PCDH15: variants seen among roughly 807,000 people sequenced by gnomAD.
The protein encoded by PCDH15 is protocadherin-15.
Under a neutral mutation model 178.5 loss-of-function variants are expected in PCDH15, and 129 were observed. The ratio of observed to expected loss-of-function variants is 0.72; its 90% CI spans 0.63 to 0.84. PCDH15 has a LOEUF of 0.84. PCDH15 is among the 40% of genes least tolerant of loss of function. The pLI is 0.00. For synonymous variants in PCDH15, 800 were observed against 732.0 expected, an observed-to-expected ratio of 1.09 and a Z score of -1.50; for missense variants, 2,230 against 2,099.9, an observed-to-expected ratio of 1.06 and a Z score of -1.21.
chr10:54,817,086 G>T (rs538638397), intron 3 of PCDH15, among the ~76,000 whole-genome samples: 40 of 151,988 alleles, frequency 2.6e-4, no homozygotes, highest in African/African-American at 9.6e-4. Flanking sequence ...TTTTGTTGTG[G>T]TTTACTCATT....
In PCDH15 at chr10:53,959,862, A is replaced by G. The variant is rs377437264; in HGVS notation, c.3010-18T>C. The stretch of plus-strand genomic sequence containing the variant: ...ACCACCAACTTAAAAAGCAATAAAA[A>G]TTCATGTTAAAGATTATAAGTAAGA... On this transcript the variant is annotated intron_variant, in intron 22 of 37. Transcript: ENST00000644397. 1.1e-4 allele frequency: 175 copies of G among 1,585,490 alleles called. No individual in the cohort carries two copies. The highest frequency in any genetic ancestry group is 1.7e-4 in the Admixed American group (10 of 59,944).
chr10:54,446,992 C>G (rs1456776230), intron 3 of PCDH15, among the ~76,000 whole-genome samples: 2 of 151,616 alleles, frequency 1.3e-5, no homozygotes, highest in Non-Finnish European at 1.5e-5. Flanking sequence ...ACAAACTTCC[C>G]CATTGGTTCC....
chr10:55,429,408 T>G (rs1187312118), intron 2 of PCDH15, among the ~76,000 whole-genome samples: 1 of 152,162 alleles, frequency 6.6e-6, no homozygotes, highest in African/African-American at 2.4e-5. Flanking sequence ...GCCATTGGTC[T>G]GCTTTTTTCC....
chr10:54,148,665 T>C (rs1349881712), intron 14 of PCDH15, among the ~76,000 whole-genome samples: 1 of 152,010 alleles, frequency 6.6e-6, no homozygotes, highest in Non-Finnish European at 1.5e-5. Flanking sequence ...TAAATTGATG[T>C]CCTCACCCAA....
At chr10:54,037,302 A>G (rs1208839984) in intron 18 of PCDH15, among the ~76,000 whole-genome samples, 1 of 152,050 alleles carries the variant, frequency 6.6e-6, no homozygotes, top group East Asian at 1.9e-4. Flanking sequence ...CACTAGCTAC[A>G]GAAAAAAATT....
chr10:55,235,047 T>C (rs1055539196), intron 1 of PCDH15, among the ~76,000 whole-genome samples: 4 of 151,818 alleles, frequency 2.6e-5, no homozygotes, highest in African/African-American at 4.8e-5. Flanking sequence ...ACCACCTCAA[T>C]ATAAAAGTCA....
chr10:55,253,684 T>C (rs1229886954), intron 1 of PCDH15, among the ~76,000 whole-genome samples: 1 of 152,164 alleles, frequency 6.6e-6, no homozygotes, highest in African/African-American at 2.4e-5. Flanking sequence ...GTAAAGTATA[T>C]GGCTCATTCA....
intron 1 of PCDH15, among the ~76,000 whole-genome samples, chr10:55,213,941 A>G (rs910508402): frequency 6.6e-6 from 1 of 151,866 alleles, no homozygotes; most frequent in African/African-American, 2.4e-5. Flanking sequence ...CTTTAGCTAT[A>G]TTGCATGCAT....
chr10:54,641,053 G>A (rs752079185), intron 2 of PCDH15: 4 of 264,734 alleles, frequency 1.5e-5, no homozygotes, highest in East Asian at 1.6e-4. Flanking sequence ...GTGGTAAGCC[G>A]AGATGGTGCC....
intron 1 of PCDH15, among the ~76,000 whole-genome samples, chr10:55,290,900 A>C (rs568969366): frequency 6.0e-4 from 91 of 152,220 alleles, no homozygotes; most frequent in African/African-American, 2.0e-3. Flanking sequence ...TGTTTAAAGA[A>C]CGGTAGATTG....
intron 8 of PCDH15, among the ~76,000 whole-genome samples, chr10:54,310,958 T>C (rs2133487137): frequency 6.6e-6 from 1 of 152,232 alleles, no homozygotes; most frequent in African/African-American, 2.4e-5. Flanking sequence ...TGTGAGGCTA[T>C]GCCAAGAAGA....
intron 25 of PCDH15, chr10:53,905,220 CT>C (rs1564734098): frequency 1.9e-6 from 1 of 518,946 alleles, no homozygotes; most frequent in Non-Finnish European, 3.8e-6. Flanking sequence ...ATCTGCTCCC[CT>C]GTCGTGTCTT....
chr10:54,650,102 A>T (rs1043717878), intron 2 of PCDH15, among the ~76,000 whole-genome samples: 2 of 152,202 alleles, frequency 1.3e-5, no homozygotes, highest in Non-Finnish European at 2.9e-5. Context: ...AAAGATGGAC[A>T]TTAATTTTGA....
intron 3 of PCDH15, among the ~76,000 whole-genome samples, chr10:54,894,632 T>G (rs1311709026): frequency 3.3e-5 from 5 of 152,302 alleles, no homozygotes; most frequent in Middle Eastern, 6.8e-3. Flanking sequence ...GACTTTTATT[T>G]CTGTATTAAA....
intron 28 of PCDH15, among the ~76,000 whole-genome samples, chr10:53,846,323 C>A (rs2077976659): frequency 6.6e-6 from 1 of 151,878 alleles, no homozygotes; most frequent in Non-Finnish European, 1.5e-5. Flanking sequence ...TGCTCTCTAA[C>A]ATACTCCTGT....
chr10:55,385,621 A>G (rs1185150526), intron 2 of PCDH15, among the ~76,000 whole-genome samples: 1 of 149,786 alleles, frequency 6.7e-6, no homozygotes, highest in Non-Finnish European at 1.5e-5. Context: ...GTGTAGGTTA[A>G]TAACTAAAGG....
In PCDH15 at chr10:54,285,016, G is replaced by GAAAGA. The variant is rs547781634; in HGVS notation, c.876+32250_876+32254dup. Among the ~76,000 whole-genome samples, 194 of 152,206 alleles carry GAAAGA rather than the reference G, an allele frequency of 1.3e-3. 1 individual carries two copies. The highest frequency in any genetic ancestry group is 2.1e-3 in the Admixed American group (32 of 15,294). ...TATGTTGACTATGCAAATTTCATATGAAAGAAATTGTTTCCAAGAAACTTA... is the reference window on the plus strand; with the variant it reads ...TATGTTGACTATGCAAATTTCATATGAAAGAAAAGAAATTGTTTCCAAGAAACTTA... On this transcript the variant is annotated intron_variant, in intron 8 of 37. Coordinates refer to ENST00000644397, the MANE Select transcript of PCDH15 (RefSeq NM_001384140.1).
chr10:53,994,557 T>TA (rs1289464567), intron 21 of PCDH15: 1 of 152,136 alleles, frequency 6.6e-6, no homozygotes, highest in Non-Finnish European at 1.5e-5. Context: ...ACAATGTACT[T>TA]AAAAAACAGA....
intron 10 of PCDH15, among the ~76,000 whole-genome samples, chr10:54,211,565 C>T (rs562791456): frequency 1.3e-5 from 2 of 152,120 alleles, no homozygotes; most frequent in Admixed American, 1.3e-4. Flanking sequence ...CATGAGAAAT[C>T]TCTAATTTGT....
Sources: gnomAD v4.1 joint callset for allele counts (sites outside exome capture counted in the v4.1 genomes callset) on GRCh38, gnomAD v4.1.1 for gene constraint, MANE v1.5 for transcripts, NCBI Gene and HGNC (gene_info 2026-07-23, HGNC 2026-07-21) for gene names.